Variants in PPFIA2 observed in about 807,000 individuals in gnomAD.
PPFIA2 encodes the protein PPFI scaffold protein A2.
In PPFIA2, 46 loss-of-function variants were observed where a neutral mutation model predicts 175.5. That is an observed-to-expected ratio of 0.26 (90% CI 0.21 to 0.34). The LOEUF (loss-of-function observed/expected upper bound fraction) is 0.34. Ranked by LOEUF, PPFIA2 falls within the 10% of genes least tolerant of loss-of-function variation. The pLI is 1.00. For missense variants in PPFIA2, 1,179 were observed against 1,506.1 expected (o/e 0.78, Z 3.60); for synonymous variants, 568 against 511.4 (o/e 1.11, Z -1.49).
intron 31 of PPFIA2, among the ~76,000 whole-genome samples, chr12:81,262,414 T>C (rs568025129): frequency 3.5e-4 from 54 of 152,308 alleles, no homozygotes; most frequent in Admixed American, 7.2e-4. Context: ...AAATTCCTCA[T>C]GAATTTCGCT....
chr12:81,651,483 T>C (rs965465616), intron 4 of PPFIA2, among the ~76,000 whole-genome samples: 7 of 152,098 alleles, frequency 4.6e-5, no homozygotes, highest in African/African-American at 1.7e-4. Context: ...AACTTAAACA[T>C]GCTATTTTCT....
At position 81,294,987 on chromosome 12, in the gene PPFIA2, C is replaced by T. The variant is rs2046107766; in HGVS notation, c.2773G>A (p.Val925Met). 6.2e-7 allele frequency: 1 copy of T among 1,613,790 alleles called. No homozygotes were observed. Among genetic ancestry groups the T allele is most frequent in the Non-Finnish European group, 8.5e-7 (1 of 1,179,808 alleles). ...GCAGACATGATGGCACCACTCTTCA[C>T]GTTGGCTCGGCAGGCTGCCACGTAC... ...AWYVAACRAN[V>M]KSGAIMSALS... is the part of the protein sequence containing the mutation. Residue 925 changes from valine to methionine, a missense_variant, in exon 24 of 33, where the codon GTG (valine) becomes ATG (methionine). By Grantham distance (21) the Val-to-Met change is conservative. This residue lies in a region of PPFIA2 where 44 missense variants were observed against 81.3 expected (regional missense o/e 0.54). Transcript: ENST00000549396.
At chr12:81,655,022 T>C (rs1238877866) in intron 4 of PPFIA2, among the ~76,000 whole-genome samples, 1 of 152,098 alleles carries the variant, frequency 6.6e-6, no homozygotes, top group Non-Finnish European at 1.5e-5. Flanking sequence ...TTTTATTTCT[T>C]GAATTAACTT....
intron 5 of PPFIA2, among the ~76,000 whole-genome samples, chr12:81,451,168 A>T (rs1566890348): frequency 6.6e-6 from 1 of 151,448 alleles, no homozygotes; most frequent in African/African-American, 2.4e-5. Flanking sequence ...TTTGTGTGTG[A>T]ATATATATAT....
At chr12:81,651,212 T>G (rs1486515381) in intron 4 of PPFIA2, among the ~76,000 whole-genome samples, 1 of 151,956 alleles carries the variant, frequency 6.6e-6, no homozygotes, top group Non-Finnish European at 1.5e-5. Context: ...GAAAAGTGAG[T>G]TAATGGAAAG....
intron 4 of PPFIA2, among the ~76,000 whole-genome samples, chr12:81,534,350 C>G (rs1199452210): frequency 6.6e-6 from 1 of 151,542 alleles, no homozygotes; most frequent in Non-Finnish European, 1.5e-5. Flanking sequence ...AACGTTCCCA[C>G]CACATAAAAT....
chr12:81,690,547 G>A (rs2075114559), intron 3 of PPFIA2, among the ~76,000 whole-genome samples: 1 of 152,028 alleles, frequency 6.6e-6, no homozygotes, highest in African/African-American at 2.4e-5. Context: ...CCAGATTTGA[G>A]CTGCAGAGTG....
intron 4 of PPFIA2, among the ~76,000 whole-genome samples, chr12:81,625,274 T>TA (rs918488794): frequency 6.6e-6 from 1 of 151,832 alleles, no homozygotes; most frequent in African/African-American, 2.4e-5. Context: ...ACTATGTACT[T>TA]ACACACTTTA....
At chr12:81,754,303 A>G (rs2084301962) in intron 2 of PPFIA2, 80 bp from the exon 3 acceptor site, 6 of 1,489,466 alleles carry the variant, frequency 4.0e-6, no homozygotes, top group Non-Finnish European at 5.4e-6. Flanking sequence ...TTCACTAAAT[A>G]TTTTTCAGCT....
At chr12:81,602,694 C>T (rs181745980) in intron 4 of PPFIA2, among the ~76,000 whole-genome samples, 4 of 151,794 alleles carry the variant, frequency 2.6e-5, no homozygotes, top group Admixed American at 2.6e-4. Context: ...TATTTTGGTC[C>T]TTGAAGTTTT....
chr12:81,308,119 C>T (rs567501793), intron 22 of PPFIA2, among the ~76,000 whole-genome samples: 1 of 152,124 alleles, frequency 6.6e-6, no homozygotes, highest in Admixed American at 6.5e-5. Context: ...AATTGCATTA[C>T]AATTTAATAC....
chr12:81,499,056 C>T (rs531193971), intron 4 of PPFIA2, among the ~76,000 whole-genome samples: 1 of 152,354 alleles, frequency 6.6e-6, no homozygotes, highest in East Asian at 1.9e-4. Flanking sequence ...TAAGCCAATA[C>T]TATAAACTAG....
intron 3 of PPFIA2, among the ~76,000 whole-genome samples, chr12:81,689,849 A>G (rs1310528736): frequency 6.6e-6 from 1 of 152,128 alleles, no homozygotes; most frequent in Non-Finnish European, 1.5e-5. Flanking sequence ...CCACCAGGTA[A>G]GAATTTCAAA....
chr12:81,643,953 A>G (rs757381538), intron 4 of PPFIA2, among the ~76,000 whole-genome samples: 5 of 152,024 alleles, frequency 3.3e-5, no homozygotes, highest in African/African-American at 2.4e-5. Context: ...CTTTTCCCCA[A>G]TTTTCGAAAG....
chr12:81,734,719 GT>G (rs1253542523), intron 3 of PPFIA2, among the ~76,000 whole-genome samples: 1 of 151,722 alleles, frequency 6.6e-6, no homozygotes, highest in Non-Finnish European at 1.5e-5. Flanking sequence ...ATTCCTTTGT[GT>G]TTAGTGTAGA....
intron 4 of PPFIA2, among the ~76,000 whole-genome samples, chr12:81,505,415 G>C (rs2061050954): frequency 6.6e-6 from 1 of 152,118 alleles, no homozygotes; most frequent in Non-Finnish European, 1.5e-5. Flanking sequence ...AGAAAATCTT[G>C]GTGATTAATC....
At chr12:81,260,723 C>G (rs1185663003) in intron 32 of PPFIA2, 2 of 152,178 alleles carry the variant, frequency 1.3e-5, no homozygotes, top group African/African-American at 4.8e-5. Context: ...TTGTGTGGCA[C>G]TTTTAGTTCA....
chr12:81,495,586 C>G (rs1007604258), intron 4 of PPFIA2, among the ~76,000 whole-genome samples: 1 of 152,136 alleles, frequency 6.6e-6, no homozygotes, highest in Non-Finnish European at 1.5e-5. Context: ...AGAAGGATTG[C>G]TTGAGCCCAG....
At chr12:81,307,105 C>T (rs950278845) in intron 22 of PPFIA2, among the ~76,000 whole-genome samples, 1 of 152,114 alleles carries the variant, frequency 6.6e-6, no homozygotes, top group Middle Eastern at 3.2e-3. Context: ...CTTGTGTTTA[C>T]TTAACTCCTG....
Sources: allele counts gnomAD v4.1 joint callset (sites outside exome capture counted in the v4.1 genomes callset), GRCh38; gene constraint gnomAD v4.1.1; regional missense constraint gnomAD v4.1.1; transcripts MANE v1.5; gene names NCBI Gene and HGNC (gene_info 2026-07-23, HGNC 2026-07-21).